Variants in CYP20A1 observed in about 807,000 individuals in gnomAD.
The protein encoded by CYP20A1 is cytochrome P450 20A1.
CYP20A1 carries 61 observed loss-of-function variants against 61.4 expected under a neutral mutation model. The observed-to-expected ratio is 0.99, with a 90% CI of 0.81 to 1.23. The LOEUF (loss-of-function observed/expected upper bound fraction) is 1.23, where lower values mean the gene tolerates loss of function less well. CYP20A1 is among the 50% of genes most tolerant of loss of function. The pLI, the probability that CYP20A1 is intolerant of heterozygous loss-of-function variation, is 0.00. For missense variants in CYP20A1, 530 were observed against 542.4 expected (o/e 0.98, Z 0.23); for synonymous variants, 193 against 188.2 (o/e 1.03, Z -0.21).
chr2:203,246,106 T>TA (rs1299804479), intron 2 of CYP20A1, among the ~76,000 whole-genome samples: 4 of 151,894 alleles, frequency 2.6e-5, no homozygotes, highest in African/African-American at 9.7e-5. Flanking sequence ...ACCCTGTTTC[T>TA]AAAAAAAATA....
At chr2:203,241,434 CCAG>C (rs1434818836) in intron 1 of CYP20A1, among the ~76,000 whole-genome samples, 1 of 152,056 alleles carries the variant, frequency 6.6e-6, no homozygotes, top group African/African-American at 2.4e-5. Context: ...TTGCTATCTC[CCAG>C]ACAATTTAGA....
rs1254869506 is a variant in CYP20A1, at chr2:203,304,561, A to T, written c.*7653A>T. On this transcript the variant is annotated 3_prime_UTR_variant, in exon 13 of 13. Transcript: ENST00000356079. ...CCTAAACACATTTCTGTGACTGTTT[A>T]TATTTTTCCCTGTTCCACATACATA... Among the ~76,000 whole-genome samples, 10 of 152,308 alleles carry T rather than the reference A, an allele frequency of 6.6e-5. No homozygotes were observed. The highest frequency in any genetic ancestry group is 1.2e-4 in the Non-Finnish European group (8 of 68,026).
chr2:203,289,940 G>GTATA, intron 10 of CYP20A1, 64 bp downstream of exon 10: 2 of 597,262 alleles, frequency 3.3e-6, no homozygotes, highest in Admixed American at 3.4e-5. Flanking sequence ...GTGTGTGTGT[G>GTATA]TATATATATA....
intron 4 of CYP20A1, among the ~76,000 whole-genome samples, chr2:203,260,241 T>C (rs1417137253): frequency 6.6e-6 from 1 of 150,818 alleles, no homozygotes; most frequent in Non-Finnish European, 1.5e-5. Context: ...TATTTATTTT[T>C]TGAGACAGTG....
intron 1 of CYP20A1, 111 bp downstream of exon 1, chr2:203,239,245 G>A (rs1369226583): frequency 1.1e-6 from 1 of 885,992 alleles, no homozygotes; most frequent in South Asian, 1.4e-5. Context: ...CCTGAGAGGA[G>A]GGTTCGGGTT....
rs937479622 is a variant in CYP20A1 at position 203,299,220 on chromosome 2, GGAAA to G, written c.*2318_*2321del. Among the ~76,000 whole-genome samples, 4 of 152,060 alleles carry G rather than the reference GGAAA, an allele frequency of 2.6e-5. No homozygotes were observed. The highest frequency in any genetic ancestry group is 9.7e-5 in the African/African-American group (4 of 41,410). On this transcript the variant is annotated 3_prime_UTR_variant, in exon 13 of 13. Coordinates refer to ENST00000356079, the MANE Select transcript of CYP20A1 (RefSeq NM_177538.3). ...GAAATATGCCAAGTACAGATAGTGA[GGAAA>G]GAAAGGAAGAAAAATGATAATTGTC... is the stretch of plus-strand genomic sequence containing the variant.
chr2:203,239,320 G>C (rs1011274995), intron 1 of CYP20A1, among the ~76,000 whole-genome samples, 186 bp downstream of exon 1: 42 of 152,064 alleles, frequency 2.8e-4, no homozygotes, highest in African/African-American at 1.0e-3. Context: ...GGCAAGCTCT[G>C]AGAGCGACGT....
intron 9 of CYP20A1, among the ~76,000 whole-genome samples, chr2:203,287,702 C>T (rs2068340468): frequency 1.4e-5 from 1 of 69,348 alleles, no homozygotes; most frequent in Non-Finnish European, 3.3e-5. Context: ...GAACCTATCT[C>T]TTAAAAATAA....
At position 203,305,275 on chromosome 2, in the gene CYP20A1, A is replaced by G. The variant is rs994430166; in HGVS notation, c.*8367A>G. Among the ~76,000 whole-genome samples, 3 of 134,174 alleles carry G rather than the reference A, an allele frequency of 2.2e-5. No individual in the cohort carries two copies. The highest frequency in any genetic ancestry group is 8.6e-5 in the African/African-American group (3 of 34,860). The allele number at this position is 134,174 out of a possible 152,430, so 88.0% of individuals were successfully genotyped here. A position where few individuals can be genotyped will look rare whatever the true frequency, so the allele number is the denominator to read the frequency against. On this transcript the variant is annotated 3_prime_UTR_variant, in exon 13 of 13. Transcript: ENST00000356079. Reference sequence around the variant, plus strand: ...GAGTGCAGTGGTGCAATCTCAGCTCACTGCAACCTCCCCCTCTCAGGTTCA... The same window carrying G: ...GAGTGCAGTGGTGCAATCTCAGCTCGCTGCAACCTCCCCCTCTCAGGTTCA...
At chr2:203,285,033 C>T (rs960582105) in intron 8 of CYP20A1, among the ~76,000 whole-genome samples, 1 of 151,914 alleles carries the variant, frequency 6.6e-6, no homozygotes, top group Non-Finnish European at 1.5e-5. Context: ...CCGTGTGATC[C>T]CCTCCCGAAG....
At chr2:203,255,791 T>C (rs1399618105) in intron 4 of CYP20A1, among the ~76,000 whole-genome samples, 1 of 152,190 alleles carries the variant, frequency 6.6e-6, no homozygotes, top group Non-Finnish European at 1.5e-5. Flanking sequence ...ATGTACCCTG[T>C]TCCCTCCTAT....
At chr2:203,271,066 A>ATGTATATG (rs2067558972) in intron 5 of CYP20A1, among the ~76,000 whole-genome samples, 1 of 66,258 alleles carries the variant, frequency 1.5e-5, no homozygotes, top group Non-Finnish European at 3.1e-5. Context: ...ATATATATAT[A>ATGTATATG]TATATATATA....
chr2:203,293,674 T>A (rs751519256), intron 11 of CYP20A1, among the ~76,000 whole-genome samples: 3 of 152,040 alleles, frequency 2.0e-5, no homozygotes, highest in African/African-American at 2.4e-5. Flanking sequence ...GTGTACACTG[T>A]ACCCAATGTG....
chr2:203,266,750 G>C, intron 5 of CYP20A1, 69 bp downstream of exon 5: 1 of 1,350,334 alleles, frequency 7.4e-7, no homozygotes, highest in South Asian at 1.2e-5. Flanking sequence ...TGTAATCCCA[G>C]CACTTTGGGA....
chr2:203,250,864 A>T (rs1364482965), intron 3 of CYP20A1, among the ~76,000 whole-genome samples: 1 of 151,982 alleles, frequency 6.6e-6, no homozygotes, highest in Non-Finnish European at 1.5e-5. Flanking sequence ...GGAGATCGAG[A>T]CCATCCTGGC....
chr2:203,294,050 C>T (rs2068663419), intron 11 of CYP20A1, among the ~76,000 whole-genome samples: 2 of 152,032 alleles, frequency 1.3e-5, no homozygotes, highest in East Asian at 1.9e-4. Context: ...GTGATGTAAA[C>T]ACAGGCTCAC....
Position 203,301,284 on chromosome 2 carries a change from TCTTG to T in CYP20A1, c.*4380_*4383del. ...TTTCTTTTTTTTTTTTGAGGCACAG[TCTTG>T]CTTTGTTGACCAAGCTGGAGTGCAT... On this transcript the variant is annotated 3_prime_UTR_variant, in exon 13 of 13. Coordinates refer to ENST00000356079, the MANE Select transcript of CYP20A1 (RefSeq NM_177538.3). Among the ~76,000 whole-genome samples the T allele has an allele frequency of 6.6e-6, 1 of 150,830 alleles. No individual in the cohort carries two copies. Among genetic ancestry groups the T allele is most frequent in the East Asian group, 1.9e-4 (1 of 5,172 alleles).
In CYP20A1 at chr2:203,304,161, G is replaced by A. The variant is rs572909346; in HGVS notation, c.*7253G>A. On this transcript the variant is annotated 3_prime_UTR_variant, in exon 13 of 13. Transcript: ENST00000356079. Reference sequence around the variant, plus strand: ...TGGGAGGTGGAGGTTGCAGTGTGCCGAGATCGCACCACTGTACTCCAGCCT... The same window carrying A: ...TGGGAGGTGGAGGTTGCAGTGTGCCAAGATCGCACCACTGTACTCCAGCCT... 6.9e-4 allele frequency among the ~76,000 whole-genome samples: 105 copies of A among 152,168 alleles called. 1 individual carries two copies. Among genetic ancestry groups the A allele is most frequent in the African/African-American group, 2.2e-3 (93 of 41,546 alleles).
intron 5 of CYP20A1, among the ~76,000 whole-genome samples, chr2:203,268,104 A>G (rs1179437362): frequency 2.0e-5 from 3 of 152,088 alleles, no homozygotes; most frequent in Non-Finnish European, 2.9e-5. Context: ...ATCTTTATCT[A>G]TCCATCTATC....
Sources: gnomAD v4.1 joint callset for allele counts (sites outside exome capture counted in the v4.1 genomes callset) on GRCh38, gnomAD v4.1.1 for gene constraint, MANE v1.5 for transcripts, NCBI Gene and HGNC (gene_info 2026-07-23, HGNC 2026-07-21) for gene names.